Variants in CABLES1 observed in about 807,000 individuals in gnomAD.
CABLES1 encodes the protein Cdk5 and Abl enzyme substrate 1, also known as CDK5 and ABL1 enzyme substrate 1.
Under a neutral mutation model 57.8 loss-of-function variants are expected in CABLES1, and 36 were observed. That is an observed-to-expected ratio of 0.62 (90% CI 0.48 to 0.82). The LOEUF (loss-of-function observed/expected upper bound fraction) is 0.82, where lower values mean the gene tolerates loss of function less well. CABLES1 is among the 40% of genes least tolerant of loss of function. The pLI, the probability that CABLES1 is intolerant of heterozygous loss-of-function variation, is 0.00. For synonymous variants in CABLES1, 374 were observed against 363.0 expected, an observed-to-expected ratio of 1.03 and a Z score of -0.35; for missense variants, 767 against 836.6, an observed-to-expected ratio of 0.92 and a Z score of 1.03.
intron 1 of CABLES1, among the ~76,000 whole-genome samples, chr18:23,174,674 A>T (rs781071290): frequency 1.3e-5 from 2 of 151,300 alleles, no homozygotes; most frequent in East Asian, 3.9e-4. Context: ...GGATTTCACC[A>T]TGTTAGCCAG....
chr18:23,170,962 A>G (rs1285422566), intron 1 of CABLES1, among the ~76,000 whole-genome samples: 1 of 152,100 alleles, frequency 6.6e-6, no homozygotes, highest in Non-Finnish European at 1.5e-5. Context: ...ACACTTGGCT[A>G]ATTTTTTGTA....
At chr18:23,253,593 C>CT in intron 8 of CABLES1, 136 bp from the exon 9 acceptor site, 1 of 724,398 alleles carries the variant, frequency 1.4e-6, no homozygotes, top group South Asian at 1.9e-5. Context: ...CCTTCACACT[C>CT]CCAGGGACTT....
At chr18:23,189,987 C>T (rs1049740300) in intron 2 of CABLES1, among the ~76,000 whole-genome samples, 1 of 152,220 alleles carries the variant, frequency 6.6e-6, no homozygotes, top group African/African-American at 2.4e-5. Context: ...TGAATAGTCC[C>T]ATCTCCACTT....
chr18:23,169,402 C>A lies in CABLES1; in HGVS notation c.846-19436C>A, dbSNP rs544111662. Among the ~76,000 whole-genome samples, 116 of 152,312 alleles carry A rather than the reference C, an allele frequency of 7.6e-4. 2 individuals carry two copies. Among genetic ancestry groups the A allele is most frequent in the African/African-American group, 2.6e-3 (110 of 41,562 alleles). On this transcript the variant is annotated intron_variant, in intron 1 of 9. Transcript: ENST00000256925. Reference sequence around the variant, plus strand: ...CTCTGTTGGGGTCTGGATCAGGACTCTTTTCCAGTAATGTAAGTATGCATG... The same window carrying A: ...CTCTGTTGGGGTCTGGATCAGGACTATTTTCCAGTAATGTAAGTATGCATG...
chr18:23,166,158 T>C (rs1598807397), intron 1 of CABLES1, among the ~76,000 whole-genome samples: 2 of 152,314 alleles, frequency 1.3e-5, no homozygotes, highest in Admixed American at 6.5e-5. Context: ...ACCATAACAG[T>C]ATACATATAT....
intron 7 of CABLES1, among the ~76,000 whole-genome samples, chr18:23,246,231 A>G (rs560786181): frequency 6.0e-5 from 9 of 150,270 alleles, no homozygotes; most frequent in Non-Finnish European, 1.2e-4. Flanking sequence ...ACCACTGCAC[A>G]CTCCAGCCTA....
At chr18:23,165,290 G>A (rs187086019) in intron 1 of CABLES1, among the ~76,000 whole-genome samples, 1 of 152,142 alleles carries the variant, frequency 6.6e-6, no homozygotes, top group South Asian at 2.1e-4. Flanking sequence ...AGAGACAGGG[G>A]TCTCACTATG....
intron 7 of CABLES1, among the ~76,000 whole-genome samples, 186 bp from the exon 8 acceptor site, chr18:23,252,774 G>A (rs925285648): frequency 2.6e-5 from 4 of 152,118 alleles, no homozygotes; most frequent in East Asian, 1.9e-4. Context: ...CTTGTTTTCC[G>A]TTCGCCTCCA....
intron 1 of CABLES1, among the ~76,000 whole-genome samples, chr18:23,188,282 GT>G (rs2047217069): frequency 2.0e-5 from 3 of 152,114 alleles, no homozygotes; most frequent in Non-Finnish European, 4.4e-5. Context: ...TTTCTACCCG[GT>G]CTATGAGAAA....
In CABLES1 at chr18:23,260,246, G is replaced by A. The variant is rs1359268134; in HGVS notation, c.*2879G>A. The A allele has an allele frequency of 6.6e-6, 1 of 152,146 alleles. No homozygotes were observed. The highest frequency in any genetic ancestry group is 1.9e-4 in the East Asian group (1 of 5,182). The allele number at this position is 152,146 out of a possible 1,614,324, so 9.4% of individuals were successfully genotyped here. On this transcript the variant is annotated 3_prime_UTR_variant, in exon 10 of 10. Coordinates refer to ENST00000256925, the MANE Select transcript of CABLES1 (RefSeq NM_001100619.3). ...CAGGAAATTCATACCAAATGCAAATGGGTTTTGTTTTCCTTGGCATTTTGT... is the reference window on the plus strand; with the variant it reads ...CAGGAAATTCATACCAAATGCAAATAGGTTTTGTTTTCCTTGGCATTTTGT...
chr18:23,207,434 G>A (rs934162616), intron 3 of CABLES1, among the ~76,000 whole-genome samples: 1 of 152,198 alleles, frequency 6.6e-6, no homozygotes, highest in Admixed American at 6.5e-5. Flanking sequence ...ACTGTAGACT[G>A]GTTGCCACTT....
intron 6 of CABLES1, among the ~76,000 whole-genome samples, chr18:23,236,574 C>T (rs1267758536): frequency 2.0e-5 from 3 of 152,106 alleles, no homozygotes; most frequent in African/African-American, 7.2e-5. Context: ...GAAGCAGTGC[C>T]GTGTCTACTC....
rs199904657 is a variant in CABLES1, at chr18:23,184,843, A to G, written c.846-3995A>G. Among the ~76,000 whole-genome samples, 9 of 152,352 alleles carry G rather than the reference A, an allele frequency of 5.9e-5. No homozygotes were observed. In the East Asian group the frequency reaches 1.7e-3, roughly 29 times the overall value. ...GATGACCAACTTGTAGTGTCCTCAC[A>G]TGGCAGAAAGGGAGCTAGAGAGCTC... On this transcript the variant is annotated intron_variant, in intron 1 of 9. Transcript: ENST00000256925.
Position 23,235,962 on chromosome 18 carries a change from C to T in CABLES1, c.1253C>T (p.Ser418Phe), listed in dbSNP as rs1180267469. The T allele has an allele frequency of 1.5e-5, 25 of 1,614,074 alleles. No individual in the cohort carries two copies. Among genetic ancestry groups the T allele is most frequent in the Non-Finnish European group, 1.9e-5 (23 of 1,180,020 alleles). Residue 418 changes from serine to phenylalanine, a missense_variant, in exon 6 of 10, where the codon TCC becomes TTC. Transcript: ENST00000256925. Reference protein sequence around the residue: ...AFGARRNTIDSTSSFSQFRNL... With the variant: ...AFGARRNTIDFTSSFSQFRNL... ...GGAGCCCGGAGAAATACCATAGACTCCACCTCCTCTTTCTCCCAGTTCCGT... is the reference window on the plus strand; with the variant it reads ...GGAGCCCGGAGAAATACCATAGACTTCACCTCCTCTTTCTCCCAGTTCCGT...
rs185565164 is a variant in CABLES1 at position 23,187,016 on chromosome 18, G to A, written c.846-1822G>A. Among the ~76,000 whole-genome samples, 819 of 152,338 alleles carry A rather than the reference G, an allele frequency of 5.4e-3. 25 individuals carry two copies. Among genetic ancestry groups the A allele is most frequent in the Admixed American group, 0.049 (752 of 15,298 alleles). On this transcript the variant is annotated intron_variant, in intron 1 of 9. Transcript: ENST00000256925. ...AGGCACTTCAGAGCTGCAGCTGCAA[G>A]TGCTGTCACAGGGGTCTAGGCAAGC... is the stretch of plus-strand genomic sequence containing the variant.
chr18:23,213,962 CTTT>C lies in CABLES1; in HGVS notation c.1011-12_1011-10del, dbSNP rs1242429862. On this transcript the variant is annotated splice_polypyrimidine_tract_variant and intron_variant, in intron 3 of 9. Coordinates refer to ENST00000256925, the MANE Select transcript of CABLES1 (RefSeq NM_001100619.3). ...TTTAGTGTGTTTGTTGTTTGTTCTTCTTTTTATTTTTTAGAATAGTCCTTATCA... is the reference window on the plus strand; with the variant it reads ...TTTAGTGTGTTTGTTGTTTGTTCTTCTTATTTTTTAGAATAGTCCTTATCA... 8 of 1,545,594 alleles carry C rather than the reference CTTT, an allele frequency of 5.2e-6. No homozygotes were observed. The highest frequency in any genetic ancestry group is 7.1e-6 in the Non-Finnish European group (8 of 1,131,674).
At chr18:23,201,802 A>T (rs574110181) in intron 3 of CABLES1, among the ~76,000 whole-genome samples, 1 of 152,338 alleles carries the variant, frequency 6.6e-6, no homozygotes, top group South Asian at 2.1e-4. Context: ...GAAAGATGAG[A>T]TAATGTGCCA....
intron 7 of CABLES1, among the ~76,000 whole-genome samples, chr18:23,241,755 T>G (rs2047741664): frequency 6.6e-6 from 1 of 152,166 alleles, no homozygotes; most frequent in Non-Finnish European, 1.5e-5. Context: ...ATGTTTATCT[T>G]TGTGCGTGTG....
chr18:23,242,510 C>T (rs544967677), intron 7 of CABLES1, among the ~76,000 whole-genome samples: 14 of 152,152 alleles, frequency 9.2e-5, no homozygotes, highest in Non-Finnish European at 1.9e-4. Context: ...ATCATTAGAA[C>T]GTGGCAGCCC....
Sources: gnomAD v4.1 joint callset for allele counts (sites outside exome capture counted in the v4.1 genomes callset) on GRCh38, gnomAD v4.1.1 for gene constraint, MANE v1.5 for transcripts, NCBI Gene and HGNC (gene_info 2026-07-23, HGNC 2026-07-21) for gene names.